The following BLTP1 variants were observed in gnomAD, a reference collection of about 807,000 sequenced individuals.
BLTP1 encodes fragile site-associated protein.
chr4:122,359,552 T>TA, the BLTP1 span: 1 of 1,608,044 alleles, frequency 6.2e-7, no homozygotes, highest in Non-Finnish European at 8.5e-7. Context: ...AAATTTTCCT[T>TA]ATAGCCATCT....
chr4:122,167,675 T>G, the BLTP1 span: 4 of 985,272 alleles, frequency 4.1e-6, no homozygotes, highest in African/African-American at 3.5e-5. Context: ...TTTGACACCC[T>G]TAGGTGCTGC....
the BLTP1 span, chr4:122,173,160 T>G: frequency 3.0e-4 from 489 of 1,606,148 alleles, 3 homozygotes; most frequent in African/African-American, 5.9e-3. Context: ...TTGGTGAGTT[T>G]GAGTTAACAC....
the BLTP1 span, chr4:122,264,252 G>C: frequency 6.3e-7 from 1 of 1,596,026 alleles, no homozygotes; most frequent in Non-Finnish European, 8.5e-7. Context: ...ACTCCATTAG[G>C]TGTTGCACCC....
the BLTP1 span, among the ~76,000 whole-genome samples, chr4:122,303,068 A>G: frequency 1.5e-4 from 23 of 152,356 alleles, no homozygotes; most frequent in African/African-American, 5.0e-4. Flanking sequence ...GATGCTAGCT[A>G]GGACTTTCAC....
chr4:122,190,908 G>A, the BLTP1 span, among the ~76,000 whole-genome samples: 1 of 152,098 alleles, frequency 6.6e-6, no homozygotes, highest in Non-Finnish European at 1.5e-5. Context: ...GTAAAACTAA[G>A]ATGTTATTTG....
At chr4:122,351,526 C>T in the BLTP1 span, among the ~76,000 whole-genome samples, 1 of 152,164 alleles carries the variant, frequency 6.6e-6, no homozygotes, top group Non-Finnish European at 1.5e-5. Context: ...ACCAGTTTAT[C>T]CAATCCAAAG....
chr4:122,244,921 A>C, the BLTP1 span: 1 of 1,380,850 alleles, frequency 7.2e-7, no homozygotes, highest in Non-Finnish European at 9.9e-7. Flanking sequence ...CAATTGTTGT[A>C]CATATTCAGA....
chr4:122,196,072 A>G, the BLTP1 span, among the ~76,000 whole-genome samples: 1 of 152,168 alleles, frequency 6.6e-6, no homozygotes, highest in African/African-American at 2.4e-5. Context: ...CCAAATACCT[A>G]TTTACCTTTT....
At chr4:122,211,999 G>T in the BLTP1 span, 1 of 944,154 alleles carries the variant, frequency 1.1e-6, no homozygotes, top group Non-Finnish European at 1.3e-6. Flanking sequence ...ATTTTTACAG[G>T]ATCGGCAGAT....
the BLTP1 span, chr4:122,305,605 GA>G: frequency 9.2e-6 from 9 of 975,260 alleles, no homozygotes; most frequent in Non-Finnish European, 1.1e-5. Context: ...TAATTATTCT[GA>G]AATATTTAAT....
At chr4:122,315,650 G>T in the BLTP1 span, 1 of 1,614,058 alleles carries the variant, frequency 6.2e-7, no homozygotes, top group Middle Eastern at 1.6e-4. Flanking sequence ...CCTGTCAGAT[G>T]AGGATGAAGT....
chr4:122,281,701 C>A, the BLTP1 span: 1 of 1,611,410 alleles, frequency 6.2e-7, no homozygotes, highest in Non-Finnish European at 8.5e-7. Context: ...ATGGTATAGC[C>A]ATTGGAGCAG....
At chr4:122,165,790 T>C in the BLTP1 span, among the ~76,000 whole-genome samples, 1 of 141,852 alleles carries the variant, frequency 7.0e-6, no homozygotes, top group Non-Finnish European at 1.6e-5. Context: ...TGGTATCTCA[T>C]TGTGGTTTTG....
the BLTP1 span, chr4:122,179,970 T>G: frequency 1.0e-6 from 1 of 983,946 alleles, no homozygotes; most frequent in South Asian, 4.7e-5. Flanking sequence ...CAAGTATCCC[T>G]CCAAAAGACA....
At chr4:122,357,307 A>G in the BLTP1 span, among the ~76,000 whole-genome samples, 4 of 152,108 alleles carry the variant, frequency 2.6e-5, no homozygotes, top group African/African-American at 9.7e-5. Flanking sequence ...TCATGTCTGT[A>G]ATACCAGCAC....
chr4:122,155,062 C>T, the BLTP1 span: 4 of 388,390 alleles, frequency 1.0e-5, no homozygotes, highest in Non-Finnish European at 3.5e-6. Flanking sequence ...ATGTGTCAGA[C>T]ATCCAGGCTT....
the BLTP1 span, chr4:122,307,438 T>C: frequency 4.1e-6 from 4 of 982,518 alleles, no homozygotes; most frequent in Non-Finnish European, 4.8e-6. Context: ...ATGTCCTTTT[T>C]AGAGGCCCCT....
At chr4:122,262,515 G>A in the BLTP1 span, among the ~76,000 whole-genome samples, 1 of 152,124 alleles carries the variant, frequency 6.6e-6, no homozygotes, top group South Asian at 2.1e-4. Context: ...ATAAGTGGAT[G>A]TGCTTCATTA....
At chr4:122,289,251 G>T in the BLTP1 span, 1 of 1,186,454 alleles carries the variant, frequency 8.4e-7, no homozygotes, top group East Asian at 2.5e-5. Flanking sequence ...TTGAGCGTGT[G>T]ATATCCCATA....
Sources: allele counts gnomAD v4.1 joint callset (sites outside exome capture counted in the v4.1 genomes callset), GRCh38; gene constraint gnomAD v4.1.1; transcripts MANE v1.5; gene names NCBI Gene and HGNC (gene_info 2026-07-23, HGNC 2026-07-21).